The following KLHL8 variants were observed in gnomAD, a reference collection of about 807,000 sequenced individuals.
The protein encoded by KLHL8 is kelch-like protein 8.
In KLHL8, 38 loss-of-function variants were observed where a neutral mutation model predicts 63.5. That is an observed-to-expected ratio of 0.60 (90% CI 0.46 to 0.78). KLHL8 has a LOEUF of 0.78. Ranked by LOEUF, KLHL8 falls within the 30% of genes least tolerant of loss-of-function variation. The probability of loss-of-function intolerance (pLI) is 0.00; values close to 1 mark genes in which losing one functional copy is unlikely to be tolerated. For synonymous variants in KLHL8, 224 were observed against 254.3 expected (o/e 0.88, Z 1.13); for missense variants, 566 against 752.4 (o/e 0.75, Z 2.90).
In KLHL8 at chr4:87,168,319, G is replaced by A. The variant is rs74459839; in HGVS notation, c.1537+1760C>T. Reference sequence around the variant, plus strand: ...TTTGCAGGTTTCTAGAAATCTGGCCGTGAAATTAGGGCTCAATTTTCTGAT... The same window carrying A: ...TTTGCAGGTTTCTAGAAATCTGGCCATGAAATTAGGGCTCAATTTTCTGAT... On this transcript the variant is annotated intron_variant, in intron 8 of 9. Transcript: ENST00000273963. Among the ~76,000 whole-genome samples, 712 of 152,190 alleles carry A rather than the reference G, an allele frequency of 4.7e-3. 8 individuals are homozygous for A. The highest frequency in any genetic ancestry group is 0.016 in the African/African-American group (651 of 41,508).
intron 1 of KLHL8, among the ~76,000 whole-genome samples, chr4:87,232,482 T>C (rs1202624925): frequency 1.3e-5 from 2 of 152,358 alleles, no homozygotes; most frequent in East Asian, 3.9e-4. Context: ...ACAATGCTGC[T>C]ATGGACACTC....
At chr4:87,189,823 A>T (rs1731409596) in intron 2 of KLHL8, among the ~76,000 whole-genome samples, 1 of 151,824 alleles carries the variant, frequency 6.6e-6, no homozygotes, top group African/African-American at 2.4e-5. Flanking sequence ...AGGTCAGGAG[A>T]TGGAGACCAT....
At chr4:87,236,705 C>T (rs1487563254) in intron 1 of KLHL8, among the ~76,000 whole-genome samples, 11 of 142,432 alleles carry the variant, frequency 7.7e-5, no homozygotes, top group Non-Finnish European at 1.5e-5. Context: ...CACTCTGTCA[C>T]CCAGGCTGGA....
intron 1 of KLHL8, among the ~76,000 whole-genome samples, chr4:87,233,139 A>G (rs1457876672): frequency 1.3e-5 from 2 of 151,974 alleles, no homozygotes; most frequent in Non-Finnish European, 2.9e-5. Context: ...TCCAGGGTTC[A>G]AGCAATTCTC....
chr4:87,176,650 GTATT>G (rs1168675089), intron 6 of KLHL8, 103 bp downstream of exon 6: 22 of 660,242 alleles, frequency 3.3e-5, no homozygotes, highest in South Asian at 7.2e-5. Flanking sequence ...GTTTGAGAAG[GTATT>G]TAAAGTTTCT....
intron 4 of KLHL8, among the ~76,000 whole-genome samples, chr4:87,180,254 G>A (rs1304441932): frequency 6.6e-6 from 1 of 152,150 alleles, no homozygotes; most frequent in East Asian, 1.9e-4. Context: ...CAGAGTCTAA[G>A]GTAGGTTAAG....
chr4:87,214,457 T>C lies in KLHL8; in HGVS notation c.-152+5961A>G, dbSNP rs942695243. On this transcript the variant is annotated intron_variant, in intron 1 of 9. Coordinates refer to ENST00000273963, the MANE Select transcript of KLHL8 (RefSeq NM_020803.5). ...ATATATATATATATATATATATATA[T>C]ATAATTGTCATCATGAGTTAAATAC... 1.7e-5 allele frequency among the ~76,000 whole-genome samples: 2 copies of C among 121,204 alleles called. 1 individual carries two copies. The allele number at this position is 121,204 out of a possible 152,430, so 79.5% of individuals were successfully genotyped here. A position where few individuals can be genotyped will look rare whatever the true frequency, so the allele number is the denominator to read the frequency against.
At chr4:87,171,039 G>C (rs2869644) in intron 6 of KLHL8, among the ~76,000 whole-genome samples, 52,804 of 151,820 alleles carry the variant, frequency 0.35, 9,976 homozygotes, top group Middle Eastern at 0.55. Flanking sequence ...TTTGTTGCAG[G>C]GTTTCATTAT....
At chr4:87,163,744 C>T (rs1730266455) in intron 9 of KLHL8, 102 bp from the exon 10 acceptor site, 2 of 1,545,792 alleles carry the variant, frequency 1.3e-6, no homozygotes, top group Non-Finnish European at 8.8e-7. Context: ...TTTTGTAGGA[C>T]AGCAAGCTTC....
chr4:87,165,104 T>C (rs779833744), intron 8 of KLHL8, among the ~76,000 whole-genome samples: 10 of 142,276 alleles, frequency 7.0e-5, no homozygotes, highest in South Asian at 4.4e-4. Flanking sequence ...GAGCCGAGAT[T>C]GTGCCACTGC....
chr4:87,237,690 G>A (rs1311903418), intron 1 of KLHL8, among the ~76,000 whole-genome samples: 1 of 152,124 alleles, frequency 6.6e-6, no homozygotes, highest in African/African-American at 2.4e-5. Context: ...AGCTGAGTAT[G>A]GTGGCATGCA....
At chr4:87,211,514 A>T (rs1732404464) in intron 1 of KLHL8, among the ~76,000 whole-genome samples, 1 of 152,152 alleles carries the variant, frequency 6.6e-6, no homozygotes, top group Admixed American at 6.5e-5. Context: ...TTTCTTGGCC[A>T]GGCACAGTGG....
intron 1 of KLHL8, among the ~76,000 whole-genome samples, chr4:87,199,953 T>C (rs1473990652): frequency 6.6e-6 from 1 of 151,808 alleles, no homozygotes; most frequent in Non-Finnish European, 1.5e-5. Flanking sequence ...GAGATCAGCC[T>C]GGGCAACACA....
At chr4:87,218,004 A>C (rs930284978) in intron 1 of KLHL8, among the ~76,000 whole-genome samples, 10 of 152,222 alleles carry the variant, frequency 6.6e-5, no homozygotes, top group Admixed American at 6.5e-4. Flanking sequence ...TTATTTGTCC[A>C]AACCCACAGA....
At chr4:87,239,086 C>T (rs1267364789) in intron 1 of KLHL8, among the ~76,000 whole-genome samples, 1 of 152,066 alleles carries the variant, frequency 6.6e-6, no homozygotes, top group African/African-American at 2.4e-5. Context: ...CAATATATAC[C>T]TTTTTCGCAC....
intron 2 of KLHL8, among the ~76,000 whole-genome samples, chr4:87,194,536 C>T (rs370330200): frequency 1.3e-5 from 2 of 152,160 alleles, no homozygotes; most frequent in South Asian, 4.1e-4. Context: ...TAGTCAGGCA[C>T]GGTGGTGCAT....
At chr4:87,204,664 C>T in intron 1 of KLHL8, among the ~76,000 whole-genome samples, 1 of 152,212 alleles carries the variant, frequency 6.6e-6, no homozygotes, top group Non-Finnish European at 1.5e-5. Flanking sequence ...CATGCAACAA[C>T]CTGGATGAAT....
chr4:87,210,588 C>G (rs1005383665), intron 1 of KLHL8, among the ~76,000 whole-genome samples: 1 of 152,174 alleles, frequency 6.6e-6, no homozygotes, highest in Non-Finnish European at 1.5e-5. Context: ...AATTTTAGAG[C>G]TACCCCTGAA....
chr4:87,212,946 A>C (rs1732461484), intron 1 of KLHL8, among the ~76,000 whole-genome samples: 1 of 152,220 alleles, frequency 6.6e-6, no homozygotes, highest in Admixed American at 6.5e-5. Flanking sequence ...CATGTTTCTT[A>C]AGAGTGTATC....
Sources: gnomAD v4.1 joint callset for allele counts (sites outside exome capture counted in the v4.1 genomes callset) on GRCh38, gnomAD v4.1.1 for gene constraint, MANE v1.5 for transcripts, NCBI Gene and HGNC (gene_info 2026-07-23, HGNC 2026-07-21) for gene names.